NR3C1: variants seen among roughly 807,000 people sequenced by gnomAD.
NR3C1 encodes the protein glucocorticoid receptor.
Under a neutral mutation model 74.0 loss-of-function variants are expected in NR3C1, and 14 were observed. The observed-to-expected ratio is 0.19, with a 90% confidence interval of 0.12 to 0.30. NR3C1 has a LOEUF of 0.30. Among genes scored for constraint, NR3C1 ranks in the 10% least tolerant of loss-of-function variants. The pLI, the probability that NR3C1 is intolerant of heterozygous loss-of-function variation, is 1.00. For missense variants in NR3C1, 695 were observed against 909.8 expected, an observed-to-expected ratio of 0.76 and a Z score of 3.04; for synonymous variants, 308 against 332.5, an observed-to-expected ratio of 0.93 and a Z score of 0.80.
Position 143,388,228 on chromosome 5 carries a change from T to A in NR3C1, c.1184+11428A>T, listed in dbSNP as rs75676559. 3.7e-3 allele frequency among the ~76,000 whole-genome samples: 566 copies of A among 152,318 alleles called. 4 individuals carry two copies. The highest frequency in any genetic ancestry group is 0.013 in the African/African-American group (549 of 41,576). On this transcript the variant is annotated intron_variant, in intron 2 of 8. Transcript: ENST00000394464. Reference sequence around the variant, plus strand: ...TTAGAGACTGTCAATTGAAAATACATCTTCTTTATGTATACTCTCTGTATT... The same window carrying A: ...TTAGAGACTGTCAATTGAAAATACAACTTCTTTATGTATACTCTCTGTATT...
rs1182866875 is a variant in NR3C1, at chr5:143,280,298, A to G, written c.*1591T>C. 1 of 152,638 alleles carries G rather than the reference A, an allele frequency of 6.6e-6. No homozygotes were observed. The highest frequency in any genetic ancestry group is 1.5e-5 in the Non-Finnish European group (1 of 68,040). The allele number at this position is 152,638 out of a possible 1,614,324, so 9.5% of individuals were successfully genotyped here. On this transcript the variant is annotated 3_prime_UTR_variant, in exon 9 of 9. Coordinates refer to ENST00000394464, the MANE Select transcript of NR3C1 (RefSeq NM_000176.3). ...TTTAATAAATTGCATGTAAAGCTGC[A>G]GTAGCCCTTCCCTTCCCAGATTAGT...
chr5:143,327,813 C>A lies in NR3C1; in HGVS notation c.1185-13645G>T, dbSNP rs570486992. On this transcript the variant is annotated intron_variant, in intron 2 of 8. Transcript: ENST00000394464. The stretch of plus-strand genomic sequence containing the variant: ...TTTCATACCCTTGGGCAGCTCCGCC[C>A]CTGTGGCTCAGCAGGGTACCCCTGT... Among the ~76,000 whole-genome samples the A allele has an allele frequency of 5.3e-5, 8 of 152,364 alleles. No individual in the cohort carries two copies. In the South Asian group the frequency reaches 1.7e-3, roughly 32 times the overall value.
At chr5:143,401,177 C>T (rs1289628092) in intron 1 of NR3C1, 1 of 328,394 alleles carries the variant, frequency 3.0e-6, no homozygotes, top group Non-Finnish European at 5.8e-6. Context: ...TAATTCATTA[C>T]ATCTGATTAT....
chr5:143,342,193 G>T (rs17100237), intron 2 of NR3C1, among the ~76,000 whole-genome samples: 1 of 151,844 alleles, frequency 6.6e-6, no homozygotes, highest in Admixed American at 6.6e-5. Context: ...TGGTTACTTC[G>T]TTTAGTCTGT....
rs1379756995 is a variant in NR3C1, at chr5:143,278,157, A to G, written c.*3732T>C. 1.3e-5 allele frequency: 2 copies of G among 152,172 alleles called. No homozygotes were observed. The highest frequency in any genetic ancestry group is 4.8e-5 in the African/African-American group (2 of 41,450). 9.4% of individuals were successfully genotyped at this position (152,172 alleles called of 1,614,324 possible). A position where few individuals can be genotyped will look rare whatever the true frequency, so the allele number is the denominator to read the frequency against. ...TTTTTTTAACTACAGATTATTATTC[A>G]GCATGAATAAAAAACTACAACTTTT... On this transcript the variant is annotated 3_prime_UTR_variant, in exon 9 of 9. Transcript: ENST00000394464.
intron 4 of NR3C1, among the ~76,000 whole-genome samples, chr5:143,304,572 T>C (rs1366928581): frequency 6.6e-6 from 1 of 152,092 alleles, no homozygotes; most frequent in Admixed American, 6.6e-5. Flanking sequence ...AAAATTCCTA[T>C]GGAACCAAAA....
intron 2 of NR3C1, among the ~76,000 whole-genome samples, chr5:143,331,466 T>C (rs1056055287): frequency 5.3e-5 from 8 of 152,064 alleles, no homozygotes; most frequent in African/African-American, 1.9e-4. Context: ...GATTCTACCA[T>C]AAAGACGCAT....
intron 1 of NR3C1, among the ~76,000 whole-genome samples, chr5:143,412,795 C>G (rs141493003): frequency 3.9e-4 from 60 of 152,226 alleles, no homozygotes; most frequent in Non-Finnish European, 5.7e-4. Context: ...ATTCACCCAC[C>G]CTTTCAACCC....
intron 2 of NR3C1, among the ~76,000 whole-genome samples, chr5:143,331,852 A>C (rs1253376455): frequency 6.6e-6 from 1 of 152,206 alleles, no homozygotes; most frequent in Non-Finnish European, 1.5e-5. Flanking sequence ...TGGGTGATGA[A>C]ATAATCTGTA....
chr5:143,390,886 T>A (rs1048208975), intron 2 of NR3C1, among the ~76,000 whole-genome samples: 2 of 152,206 alleles, frequency 1.3e-5, no homozygotes, highest in Non-Finnish European at 2.9e-5. Flanking sequence ...TAAATACATT[T>A]TCTTTGAGCA....
chr5:143,352,952 T>C (rs1356564054), intron 2 of NR3C1, among the ~76,000 whole-genome samples: 2 of 152,192 alleles, frequency 1.3e-5, no homozygotes, highest in African/African-American at 2.4e-5. Context: ...TGCTGTTTGA[T>C]AGCATTTTAC....
chr5:143,345,783 T>C (rs373975666), intron 2 of NR3C1, among the ~76,000 whole-genome samples: 1 of 152,246 alleles, frequency 6.6e-6, no homozygotes, highest in Non-Finnish European at 1.5e-5. Context: ...TGTATATATA[T>C]AGCTCACATT....
intron 2 of NR3C1, among the ~76,000 whole-genome samples, chr5:143,353,501 CCT>C (rs1362681221): frequency 1.3e-5 from 2 of 152,102 alleles, no homozygotes; most frequent in Admixed American, 6.5e-5. Context: ...GAAATCACTC[CCT>C]GATTCATGGG....
At chr5:143,398,946 G>A (rs1400109829) in intron 2 of NR3C1, among the ~76,000 whole-genome samples, 2 of 152,118 alleles carry the variant, frequency 1.3e-5, no homozygotes, top group Non-Finnish European at 2.9e-5. Context: ...GAACTTGCAG[G>A]AACATTTGAA....
At chr5:143,396,627 C>T (rs1273059152) in intron 2 of NR3C1, among the ~76,000 whole-genome samples, 6 of 151,740 alleles carry the variant, frequency 4.0e-5, no homozygotes, top group African/African-American at 9.7e-5. Flanking sequence ...GATACAGATG[C>T]GATTACTAAT....
intron 1 of NR3C1, among the ~76,000 whole-genome samples, chr5:143,427,171 T>A (rs1751573563): frequency 1.3e-5 from 2 of 152,204 alleles, no homozygotes; most frequent in Non-Finnish European, 2.9e-5. Context: ...TTTTCATTAT[T>A]TTGTGTGACA....
At chr5:143,352,281 A>T (rs1395725373) in intron 2 of NR3C1, among the ~76,000 whole-genome samples, 1 of 152,198 alleles carries the variant, frequency 6.6e-6, no homozygotes, top group Non-Finnish European at 1.5e-5. Flanking sequence ...GATCATAAGA[A>T]GATTACTGTG....
At chr5:143,314,541 T>C (rs975684614) in intron 2 of NR3C1, among the ~76,000 whole-genome samples, 4 of 152,042 alleles carry the variant, frequency 2.6e-5, no homozygotes, top group African/African-American at 9.7e-5. Context: ...GTTAAATGAA[T>C]ATTCATGTAA....
intron 2 of NR3C1, among the ~76,000 whole-genome samples, chr5:143,344,644 G>A (rs909213606): frequency 5.9e-5 from 9 of 152,136 alleles, no homozygotes; most frequent in Non-Finnish European, 1.3e-4. Context: ...AGGCCAAGGC[G>A]GGTGGATCAC....
Sources: allele counts gnomAD v4.1 joint callset (sites outside exome capture counted in the v4.1 genomes callset), GRCh38; gene constraint gnomAD v4.1.1; transcripts MANE v1.5; gene names NCBI Gene and HGNC (gene_info 2026-07-23, HGNC 2026-07-21).